B3GAT3: variants seen among roughly 807,000 people sequenced by gnomAD.
The protein encoded by B3GAT3 is galactosylgalactosylxylosylprotein 3-beta-glucuronosyltransferase 3.
Under a neutral mutation model 33.1 loss-of-function variants are expected in B3GAT3, and 19 were observed. The observed-to-expected ratio is 0.57, with a 90% CI of 0.40 to 0.84. The LOEUF (loss-of-function observed/expected upper bound fraction) is 0.84, where lower values mean the gene tolerates loss of function less well. Ranked by LOEUF, B3GAT3 falls within the 40% of genes least tolerant of loss-of-function variation. The pLI, the probability that B3GAT3 is intolerant of heterozygous loss-of-function variation, is 0.00. For missense variants in B3GAT3, 344 were observed against 441.5 expected, an observed-to-expected ratio of 0.78 and a Z score of 1.98; for synonymous variants, 167 against 193.5, an observed-to-expected ratio of 0.86 and a Z score of 1.14.
intron 4 of B3GAT3, chr11:62,616,244 A>AG: frequency 3.1e-6 from 1 of 325,090 alleles, no homozygotes; most frequent in Non-Finnish European, 5.9e-6. Context: ...ACTCTGTCTG[A>AG]AAAAAAAAAA....
Position 62,620,527 on chromosome 11 carries a change from G to A in B3GAT3, c.227C>T (p.Thr76Ile). 6.2e-7 allele frequency: 1 copy of A among 1,612,738 alleles called. No homozygotes were observed. Among genetic ancestry groups the A allele is most frequent in the Non-Finnish European group, 8.5e-7 (1 of 1,179,914 alleles). The change falls in exon 2 of 5, where the codon ACT (threonine) becomes ATT (isoleucine). Residue 76 changes from threonine (T) to isoleucine (I), a missense_variant. Coordinates refer to ENST00000265471, the MANE Select transcript of B3GAT3 (RefSeq NM_012200.4). ...AQPPEPEALPTIYVVTPTYAR... is the reference protein window; with the variant it reads ...AQPPEPEALPIIYVVTPTYAR... ...ATAGGTGGGGGTAACAACATAGATA[G>A]TAGGCAGGGCCTCGGGTTCAGGGGG...
rs1943010951 is a variant in B3GAT3, at chr11:62,615,813, G to C, written c.910-14C>G. The C allele has an allele frequency of 3.3e-5, 54 of 1,612,724 alleles. No individual in the cohort carries two copies. In the East Asian group the frequency reaches 1.2e-3, roughly 35 times the overall value. Reference sequence around the variant, plus strand: ...CCACACCAGTACCTGTGCCAGGAGGGATGCAGTGAGAGCCAGGCCCAGCTG... The same window carrying C: ...CCACACCAGTACCTGTGCCAGGAGGCATGCAGTGAGAGCCAGGCCCAGCTG... On this transcript the variant is annotated splice_polypyrimidine_tract_variant and intron_variant, in intron 4 of 4. Transcript: ENST00000265471.
intron 2 of B3GAT3, among the ~76,000 whole-genome samples, chr11:62,617,945 G>A (rs1943066088): frequency 6.6e-6 from 1 of 151,840 alleles, no homozygotes; most frequent in Non-Finnish European, 1.5e-5. Context: ...GGAGGCCGAG[G>A]TGGGCGGATC....
chr11:62,618,201 A>C (rs1039451998), intron 2 of B3GAT3, among the ~76,000 whole-genome samples: 5 of 150,608 alleles, frequency 3.3e-5, no homozygotes, highest in Non-Finnish European at 7.4e-5. Context: ...AAAAAAAAAA[A>C]AAACAAATTA....
chr11:62,616,371 TAGAGTC>T (rs1943027141), intron 4 of B3GAT3, 129 bp downstream of exon 4: 1 of 1,313,484 alleles, frequency 7.6e-7, no homozygotes, highest in Admixed American at 1.8e-5. Flanking sequence ...TCCCCTTCAG[TAGAGTC>T]AGCAAGGCTG....
intron 1 of B3GAT3, among the ~76,000 whole-genome samples, chr11:62,620,876 C>T (rs531787935): frequency 6.6e-6 from 1 of 152,296 alleles, no homozygotes; most frequent in South Asian, 2.1e-4. Context: ...TAATAAATTC[C>T]ATTGTTACAA....
rs1315358038 is a variant in B3GAT3, at chr11:62,618,987, A to G, written c.257+1510T>C. ...GACAGAGTGAGACTCCATCTCGGGA[A>G]AAAAAAAAAAAAAATTAGCCTGGTG... On this transcript the variant is annotated intron_variant, in intron 2 of 4. Coordinates refer to ENST00000265471, the MANE Select transcript of B3GAT3 (RefSeq NM_012200.4). 1.6e-3 allele frequency among the ~76,000 whole-genome samples: 223 copies of G among 136,832 alleles called. 2 individuals are homozygous for G. Among genetic ancestry groups the G allele is most frequent in the African/African-American group, 5.7e-3 (205 of 35,734 alleles). The allele number at this position is 136,832 out of a possible 152,430, so 89.8% of individuals were successfully genotyped here.
chr11:62,616,489 C>T lies in B3GAT3; in HGVS notation c.909+17G>A. 2 of 1,614,044 alleles carry T rather than the reference C, an allele frequency of 1.2e-6. No homozygotes were observed. Among genetic ancestry groups the T allele is most frequent in the Non-Finnish European group, 1.7e-6 (2 of 1,180,030 alleles). On this transcript the variant is annotated intron_variant, in intron 4 of 4. Transcript: ENST00000265471. ...CATCCAAGAGCCAGGTTTCTATGCC[C>T]ATCTCCATTCCCTTACCCGAGTGCA... is the stretch of plus-strand genomic sequence containing the variant.
intron 2 of B3GAT3, among the ~76,000 whole-genome samples, chr11:62,619,043 C>G (rs1057486320): frequency 2.0e-5 from 3 of 150,404 alleles, no homozygotes; most frequent in African/African-American, 7.4e-5. Context: ...CCCAGCTACT[C>G]GGGAGGCTGA....
In B3GAT3 at chr11:62,615,545, T is replaced by C; in HGVS notation, c.*156A>G. The C allele has an allele frequency of 1.5e-6, 2 of 1,358,216 alleles. No individual in the cohort carries two copies. 84.1% of individuals were successfully genotyped at this position (1,358,216 alleles called of 1,614,324 possible). ...GCCACACGGCAGGCTAGGGGAGGGG[T>C]GAAGCAGCAGGACCATGCCCTGGGC... On this transcript the variant is annotated 3_prime_UTR_variant, in exon 5 of 5. Transcript: ENST00000265471.
chr11:62,616,608 G>C lies in B3GAT3; in HGVS notation c.807C>G (p.Ala269=). 6.2e-7 allele frequency: 1 copy of C among 1,614,190 alleles called. No individual in the cohort carries two copies. The change falls in exon 4 of 5, where the codon GCC becomes GCG. Residue 269 remains alanine (A), a synonymous_variant. Coordinates refer to ENST00000265471, the MANE Select transcript of B3GAT3 (RefSeq NM_012200.4). ...ALPLLLDKPN[A]QFDSTAPRGH... ...CCCGGGGAGCGGTGGAATCAAATTG[G>C]GCATTGGGCTTATCTAACAGCAAGG...
chr11:62,615,889 G>A (rs998025142), intron 4 of B3GAT3, 90 bp from the exon 5 acceptor site: 29 of 1,556,116 alleles, frequency 1.9e-5, no homozygotes, highest in East Asian at 1.6e-4. Context: ...TAACCCTATC[G>A]ACATATACAG....
At chr11:62,617,458 C>CA in intron 2 of B3GAT3, 111 bp from the exon 3 acceptor site, 1 of 1,430,564 alleles carries the variant, frequency 7.0e-7, no homozygotes, top group Non-Finnish European at 9.7e-7. Context: ...TGGCCCTTCC[C>CA]AACCAATGCC....
intron 1 of B3GAT3, 77 bp downstream of exon 1, chr11:62,621,789 G>T: frequency 2.1e-6 from 3 of 1,411,434 alleles, no homozygotes; most frequent in Non-Finnish European, 1.9e-6. Context: ...TTTGCCGGGG[G>T]TTCATCCCCA....
chr11:62,617,462 C>T (rs1943057446), intron 2 of B3GAT3, 115 bp from the exon 3 acceptor site: 1 of 1,419,774 alleles, frequency 7.0e-7, no homozygotes, highest in African/African-American at 1.4e-5. Flanking sequence ...CCTTCCCAAC[C>T]AATGCCTAAA....
In B3GAT3 at chr11:62,617,189, G is replaced by C. The variant is rs1327941900; in HGVS notation, c.416C>G (p.Thr139Arg). The C allele has an allele frequency of 6.2e-7, 1 of 1,613,970 alleles. No homozygotes were observed. Among genetic ancestry groups the C allele is most frequent in the Admixed American group, 1.7e-5 (1 of 60,000 alleles). ...CTCCCGAAGCCGCTGGGCTTTGGGCGTGAGGACCACCAGGTGTGTGAAGAG... is the reference window on the plus strand; with the variant it reads ...CTCCCGAAGCCGCTGGGCTTTGGGCCTGAGGACCACCAGGTGTGTGAAGAG... ...GLLFTHLVVL[T>R]PKAQRLREGE... is the part of the protein sequence containing the mutation. Residue 139 changes from threonine to arginine, a missense_variant, in exon 3 of 5, where the codon ACG becomes AGG. Transcript: ENST00000265471.
intron 1 of B3GAT3, chr11:62,621,378 A>C (rs1481075549): frequency 4.4e-6 from 2 of 454,148 alleles, no homozygotes; most frequent in East Asian, 6.9e-5. Context: ...ATAAAAGGGA[A>C]TGGAATTAAG....
Position 62,617,328 on chromosome 11 carries a change from G to C in B3GAT3, c.277C>G (p.Leu93Val). ...CTCAGTGTCTGGGACAGTCGTACCA[G>C]CTCTGCCTTCTGTACCAGCCTGCAG... is the stretch of plus-strand genomic sequence containing the variant. ...TYARLVQKAE[L>V]VRLSQTLSLV... is the part of the protein sequence containing the mutation. Residue 93 changes from leucine to valine, a missense_variant, in exon 3 of 5, where the codon CTG (leucine) becomes GTG (valine). Leu to Val is a conservative substitution (Grantham distance 32). Coordinates refer to ENST00000265471, the MANE Select transcript of B3GAT3 (RefSeq NM_012200.4). The C allele has an allele frequency of 3.1e-6, 5 of 1,612,822 alleles. No homozygotes were observed. Among genetic ancestry groups the C allele is most frequent in the Non-Finnish European group, 4.2e-6 (5 of 1,179,986 alleles).
chr11:62,618,817 A>G (rs1379652967), intron 2 of B3GAT3, among the ~76,000 whole-genome samples: 1 of 151,380 alleles, frequency 6.6e-6, no homozygotes, highest in Non-Finnish European at 1.5e-5. Flanking sequence ...CCCCATCTCT[A>G]CTAAAGATAC....
Sources: gnomAD v4.1 joint callset for allele counts (sites outside exome capture counted in the v4.1 genomes callset) on GRCh38, gnomAD v4.1.1 for gene constraint, MANE v1.5 for transcripts, NCBI Gene and HGNC (gene_info 2026-07-23, HGNC 2026-07-21) for gene names.